Variants in SCLT1 observed in about 807,000 individuals in gnomAD.
SCLT1 encodes sodium channel and clathrin linker 1.
In SCLT1, 78 loss-of-function variants were observed where a neutral mutation model predicts 112.8. The observed-to-expected ratio is 0.69, with a 90% CI of 0.58 to 0.83. The LOEUF is 0.83. SCLT1 is among the 40% of genes least tolerant of loss of function. The pLI, the probability that SCLT1 is intolerant of heterozygous loss-of-function variation, is 0.00. For missense variants in SCLT1, 747 were observed against 770.4 expected (o/e 0.97, Z 0.36); for synonymous variants, 257 against 254.7 (o/e 1.01, Z -0.09).
rs193236315 is a variant in SCLT1, at chr4:128,942,948, A to C, written c.1632+48T>G. The C allele has an allele frequency of 1.6e-4, 227 of 1,404,606 alleles. 1 individual carries two copies. In the African/African-American group the frequency reaches 2.8e-3, roughly 18 times the overall value. 87.0% of individuals were successfully genotyped at this position (1,404,606 alleles called of 1,614,324 possible). On this transcript the variant is annotated intron_variant, in intron 17 of 20. Transcript: ENST00000281142. ...TGCTAGGTCTCTCTAAATATTCTCT[A>C]TACTTTGATTTTCATAAGTACACAT...
chr4:128,935,794 C>T (rs1201439919), intron 18 of SCLT1, among the ~76,000 whole-genome samples: 4 of 152,086 alleles, frequency 2.6e-5, no homozygotes, highest in Non-Finnish European at 5.9e-5. Context: ...TCAGTCCTCA[C>T]ACAGTTTCCA....
At position 129,039,039 on chromosome 4, in the gene SCLT1, A is replaced by G. The variant is rs587777504; in HGVS notation, c.290+2T>C. On this transcript the variant is annotated splice_donor_variant, in intron 5 of 20. Coordinates refer to ENST00000281142, the MANE Select transcript of SCLT1 (RefSeq NM_144643.4). LOFTEE classifies it high-confidence loss of function. ...GATAAAACCAATAGTTAATTGATTT[A>G]CCTTTCATTTTCCTTGATGACATTT... 1 of 1,518,476 alleles carries G rather than the reference A, an allele frequency of 6.6e-7. No individual in the cohort carries two copies. Among genetic ancestry groups the G allele is most frequent in the African/African-American group, 1.4e-5 (1 of 73,112 alleles). 94.1% of individuals were successfully genotyped at this position (1,518,476 alleles called of 1,614,324 possible).
intron 18 of SCLT1, among the ~76,000 whole-genome samples, chr4:128,926,961 C>T (rs1736348336): frequency 1.3e-5 from 2 of 149,680 alleles, no homozygotes; most frequent in South Asian, 4.2e-4. Flanking sequence ...AATTAATTTC[C>T]AAATATTGGG....
chr4:128,878,836 T>C (rs1238339884), intron 3 of SCLT1, among the ~76,000 whole-genome samples: 1 of 152,200 alleles, frequency 6.6e-6, no homozygotes, highest in Non-Finnish European at 1.5e-5. Context: ...CCAATTTCTT[T>C]TCTAGGTCTG....
At chr4:128,894,453 G>C (rs1234132353) in intron 18 of SCLT1, among the ~76,000 whole-genome samples, 1 of 150,778 alleles carries the variant, frequency 6.6e-6, no homozygotes, top group Non-Finnish European at 1.5e-5. Context: ...GGCCTTCTAG[G>C]AATATGAAAA....
chr4:129,078,965 G>A (rs1751698949), intron 2 of SCLT1, among the ~76,000 whole-genome samples: 1 of 152,220 alleles, frequency 6.6e-6, no homozygotes, highest in Non-Finnish European at 1.5e-5. Context: ...GACTGGAGCA[G>A]GAGGAAGAGA....
chr4:128,909,040 A>G (rs922566330), intron 18 of SCLT1, among the ~76,000 whole-genome samples: 26 of 152,210 alleles, frequency 1.7e-4, no homozygotes, highest in Admixed American at 9.8e-4. Flanking sequence ...CTCATTTTGC[A>G]TACTATTTCT....
At position 129,073,275 on chromosome 4, in the gene SCLT1, G is replaced by A. The variant is rs75533532; in HGVS notation, c.102+9031C>T. Among the ~76,000 whole-genome samples the A allele has an allele frequency of 2.3e-3, 349 of 152,162 alleles. 2 individuals carry two copies. The highest frequency in any genetic ancestry group is 8.1e-3 in the African/African-American group (338 of 41,510). On this transcript the variant is annotated intron_variant, in intron 2 of 20. Coordinates refer to ENST00000281142, the MANE Select transcript of SCLT1 (RefSeq NM_144643.4). Reference sequence around the variant, plus strand: ...GATTTCCTGACTTATTCCTGTAGTCGTTCTGGAGCAAAAATTCACAATGTG... The same window carrying A: ...GATTTCCTGACTTATTCCTGTAGTCATTCTGGAGCAAAAATTCACAATGTG...
chr4:128,919,057 A>T (rs916516324), intron 18 of SCLT1, among the ~76,000 whole-genome samples: 2 of 152,130 alleles, frequency 1.3e-5, no homozygotes, highest in Non-Finnish European at 2.9e-5. Context: ...GGATCTGCAC[A>T]GGACATTTGA....
rs186157235 is a variant in SCLT1, at chr4:128,957,015, A to G, written c.1146+11T>C. 1,212 of 1,436,500 alleles carry G rather than the reference A, an allele frequency of 8.4e-4. 10 individuals carry two copies. The African/African-American group carries it at 0.015, about 18-fold the overall frequency. The allele number at this position is 1,436,500 out of a possible 1,614,324, so 89.0% of individuals were successfully genotyped here. On this transcript the variant is annotated intron_variant, in intron 13 of 20. Coordinates refer to ENST00000281142, the MANE Select transcript of SCLT1 (RefSeq NM_144643.4). ...AAATTCTGAATTTTAAATATAATTA[A>G]AAATCCTTACTTCTTTCTTGGTTCT...
At chr4:128,885,292 T>C (rs1579276571) in intron 20 of SCLT1, among the ~76,000 whole-genome samples, 1 of 152,138 alleles carries the variant, frequency 6.6e-6, no homozygotes, top group African/African-American at 2.4e-5. Context: ...ATAAAGGAAG[T>C]CTCGTTCCCA....
intron 4 of SCLT1, among the ~76,000 whole-genome samples, chr4:129,040,900 T>C (rs1156585927): frequency 6.6e-6 from 1 of 152,194 alleles, no homozygotes; most frequent in Non-Finnish European, 1.5e-5. Context: ...ACTCAGGCTT[T>C]CTAGCATAGT....
At chr4:129,041,182 G>A (rs956151649) in intron 4 of SCLT1, among the ~76,000 whole-genome samples, 1 of 152,120 alleles carries the variant, frequency 6.6e-6, no homozygotes, top group African/African-American at 2.4e-5. Flanking sequence ...TATCATTTGT[G>A]CAAAAGAGAG....
chr4:129,005,171 C>T (rs913955239), intron 5 of SCLT1, among the ~76,000 whole-genome samples: 8 of 152,080 alleles, frequency 5.3e-5, no homozygotes, highest in Admixed American at 1.3e-4. Flanking sequence ...CAGACATATG[C>T]ATTCTCTCAC....
At position 129,003,825 on chromosome 4, in the gene SCLT1, G is replaced by A. The variant is rs1167564718; in HGVS notation, c.342C>T (p.Pro114=). 6.2e-7 allele frequency: 1 copy of A among 1,611,638 alleles called. No homozygotes were observed. The highest frequency in any genetic ancestry group is 8.5e-7 in the Non-Finnish European group (1 of 1,178,540). ...TGTCAGTTCCTACCTCTGTGCCCAG[G>A]GGAAAGGCCTCCAATTTTTTTTCAA... ...DAVEKKLEAF[P]LGTEVGTDIY... Residue 114 remains proline (P), a synonymous_variant, in exon 6 of 21, where the codon CCC becomes CCT. Transcript: ENST00000281142.
chr4:128,975,588 G>T (rs1741100715), intron 9 of SCLT1, among the ~76,000 whole-genome samples: 1 of 152,006 alleles, frequency 6.6e-6, no homozygotes, highest in South Asian at 2.1e-4. Flanking sequence ...TTTGCATACA[G>T]TGAAAAATGG....
intron 13 of SCLT1, among the ~76,000 whole-genome samples, chr4:128,954,217 T>C (rs2126006081): frequency 6.6e-6 from 1 of 152,290 alleles, no homozygotes; most frequent in Middle Eastern, 3.4e-3. Flanking sequence ...AAACTTTGTT[T>C]AGAACATTTA....
At chr4:129,079,593 T>C (rs1334635103) in intron 2 of SCLT1, among the ~76,000 whole-genome samples, 1 of 152,190 alleles carries the variant, frequency 6.6e-6, no homozygotes, top group Middle Eastern at 3.2e-3. Context: ...CAGGGTACAT[T>C]CCCTGCAGCT....
intron 17 of SCLT1, among the ~76,000 whole-genome samples, chr4:128,937,286 A>G (rs935272224): frequency 2.0e-5 from 3 of 151,394 alleles, no homozygotes; most frequent in African/African-American, 7.3e-5. Context: ...TCAAAAAAAA[A>G]AAAAAAGAAA....
Sources: gnomAD v4.1 joint callset for allele counts (sites outside exome capture counted in the v4.1 genomes callset) on GRCh38, gnomAD v4.1.1 for gene constraint, MANE v1.5 for transcripts, NCBI Gene and HGNC (gene_info 2026-07-23, HGNC 2026-07-21) for gene names.